SLC12A6: variants seen among roughly 807,000 people sequenced by gnomAD.
The protein encoded by SLC12A6 is solute carrier family 12 member 6, also known as K-Cl cotransporter 3.
Under a neutral mutation model 135.3 loss-of-function variants are expected in SLC12A6, and 66 were observed. The observed-to-expected ratio is 0.49, with a 90% CI of 0.40 to 0.60. The LOEUF is 0.60. SLC12A6 is among the 20% of genes least tolerant of loss of function. SLC12A6 has a pLI of 0.00. For synonymous variants in SLC12A6, 513 were observed against 508.8 expected, an observed-to-expected ratio of 1.01 and a Z score of -0.11; for missense variants, 1,058 against 1,452.3, an observed-to-expected ratio of 0.73 and a Z score of 4.41.
chr15:34,262,063 A>C (rs1566822236), intron 3 of SLC12A6, among the ~76,000 whole-genome samples: 1 of 152,224 alleles, frequency 6.6e-6, no homozygotes, highest in Non-Finnish European at 1.5e-5. Context: ...TGTTCATTAC[A>C]TACAATTGAA....
In SLC12A6 at chr15:34,252,336, A is replaced by G; in HGVS notation, c.1167T>C (p.Val389=). 1 of 1,613,482 alleles carries G rather than the reference A, an allele frequency of 6.2e-7. No individual in the cohort carries two copies. Among genetic ancestry groups the G allele is most frequent in the Non-Finnish European group, 8.5e-7 (1 of 1,179,454 alleles). ...NRTLSSRHID[V]CSKTKEINNM... ...TGTTAATTTCCTTGGTCTTAGAGCA[A>G]ACGTCAATGTGTCTTGATGAAAGGG... The change falls in exon 10 of 26, where the codon GTT becomes GTC. Residue 389 remains valine, a synonymous_variant. Coordinates refer to ENST00000354181, the MANE Select transcript of SLC12A6 (RefSeq NM_001365088.1).
At chr15:34,273,432 T>C (rs1426715391) in intron 3 of SLC12A6, among the ~76,000 whole-genome samples, 1 of 152,238 alleles carries the variant, frequency 6.6e-6, no homozygotes, top group Non-Finnish European at 1.5e-5. Flanking sequence ...TATATTTATG[T>C]CAAACCATTT....
chr15:34,261,646 T>C (rs764980015), intron 3 of SLC12A6, among the ~76,000 whole-genome samples: 5 of 152,212 alleles, frequency 3.3e-5, no homozygotes, highest in African/African-American at 7.2e-5. Flanking sequence ...AAAAAAGATA[T>C]TGAGTATATA....
chr15:34,259,661 A>G (rs752506396), intron 4 of SLC12A6, among the ~76,000 whole-genome samples: 12 of 152,334 alleles, frequency 7.9e-5, no homozygotes, highest in Non-Finnish European at 1.8e-4. Flanking sequence ...AAAATGGTAC[A>G]TTGAGAGAAG....
At chr15:34,238,894 T>C (rs1891453899) in intron 20 of SLC12A6, 71 bp downstream of exon 20, 1 of 1,304,506 alleles carries the variant, frequency 7.7e-7, no homozygotes, top group Non-Finnish European at 1.1e-6. Flanking sequence ...TTTAGGAGGC[T>C]GGGGGTGACA....
In SLC12A6 at chr15:34,254,565, T is replaced by C. The variant is rs200110068; in HGVS notation, c.901A>G (p.Ile301Val). ...TTGAGTGCGTCATCACTGTGAAAGA[T>C]GGCAGCTCGGGGGACGATATAGACC... ...FLVYIVPRAA[I>V]FHSDDALKES... The change falls in exon 9 of 26, where the codon ATC becomes GTC. Residue 301 changes from isoleucine (I) to valine (V), a missense_variant. Physicochemically the swap from Ile to Val is conservative, Grantham distance 29 (BLOSUM62 3). Around this residue, in one of 6 missense-constraint regions of SLC12A6, gnomAD observed 297 missense variants for 318.5 expected, o/e 0.93. Transcript: ENST00000354181. 269 of 1,609,892 alleles carry C rather than the reference T, an allele frequency of 1.7e-4. No homozygotes were observed. Among genetic ancestry groups the C allele is most frequent in the Non-Finnish European group, 2.2e-4 (263 of 1,176,252 alleles).
chr15:34,291,418 T>G (rs1895520556), intron 2 of SLC12A6, among the ~76,000 whole-genome samples: 1 of 152,230 alleles, frequency 6.6e-6, no homozygotes, highest in Non-Finnish European at 1.5e-5. Flanking sequence ...CTTAACATTT[T>G]TCCCTTCATT....
chr15:34,318,783 C>A (rs557212369), intron 2 of SLC12A6: 5 of 1,580,870 alleles, frequency 3.2e-6, no homozygotes, highest in Non-Finnish European at 4.3e-6. Context: ...GTGATCCCTG[C>A]CTACAAGAGA....
intron 2 of SLC12A6, among the ~76,000 whole-genome samples, chr15:34,287,173 C>T (rs1189547659): frequency 6.6e-6 from 1 of 152,142 alleles, no homozygotes; most frequent in African/African-American, 2.4e-5. Context: ...TGATGTTCCC[C>T]TCCCTGTGTC....
Position 34,250,633 on chromosome 15 carries a change from AC to A in SLC12A6, c.1588del (p.Val530PhefsTer3). On this transcript the variant is annotated frameshift_variant, in exon 12 of 26. Coordinates refer to ENST00000354181, the MANE Select transcript of SLC12A6 (RefSeq NM_001365088.1). LOFTEE classifies it high-confidence loss of function. ...GACTGGATCCATAAAAAGGATACAAACAAAGGAGGTGGTCAGGATGGCAAGG... is the reference window on the plus strand; with the variant it reads ...GACTGGATCCATAAAAAGGATACAAAAAAGGAGGTGGTCAGGATGGCAAGG... Reference protein sequence around the residue: ...TILAILTTSFVYLSNVVLFGA... With the variant: ...TILAILTTSFXYLSNVVLFGA... 6.5e-7 allele frequency: 1 copy of A among 1,528,942 alleles called. No individual in the cohort carries two copies. Among genetic ancestry groups the A allele is most frequent in the Non-Finnish European group, 9.1e-7 (1 of 1,102,530 alleles). The allele number at this position is 1,528,942 out of a possible 1,614,324, so 94.7% of individuals were successfully genotyped here.
intron 14 of SLC12A6, 48 bp downstream of exon 14, chr15:34,245,645 C>A: frequency 6.7e-7 from 1 of 1,486,090 alleles, no homozygotes; most frequent in South Asian, 1.1e-5. Context: ...CACTGTTTCT[C>A]ATTAAAGCTG....
intron 2 of SLC12A6, among the ~76,000 whole-genome samples, chr15:34,293,175 A>T (rs1357441846): frequency 1.3e-5 from 2 of 150,246 alleles, no homozygotes; most frequent in African/African-American, 2.4e-5. Context: ...CGTGTTTTTT[A>T]AAAAATCTTA....
chr15:34,289,686 C>T (rs8032579), intron 2 of SLC12A6, among the ~76,000 whole-genome samples: 4,154 of 152,182 alleles, frequency 0.027, 192 homozygotes, highest in African/African-American at 0.095. Context: ...AGAGATTCAA[C>T]TTTTTCCTTG....
intron 2 of SLC12A6, among the ~76,000 whole-genome samples, chr15:34,335,395 C>T (rs917549197): frequency 1.3e-5 from 2 of 152,134 alleles, no homozygotes; most frequent in African/African-American, 2.4e-5. Flanking sequence ...TTCCTGACAC[C>T]GGAAAATGGT....
chr15:34,254,648 C>T (rs1017265621), intron 8 of SLC12A6, 59 bp from the exon 9 acceptor site: 2 of 1,329,060 alleles, frequency 1.5e-6, no homozygotes, highest in Admixed American at 1.7e-5. Flanking sequence ...AGTAAAAAGG[C>T]TGTATTCGTT....
intron 3 of SLC12A6, among the ~76,000 whole-genome samples, chr15:34,273,471 G>C (rs1894098271): frequency 6.6e-6 from 1 of 152,344 alleles, no homozygotes; most frequent in East Asian, 1.9e-4. Flanking sequence ...GAGTGCCTAG[G>C]ATGTCAGGTA....
intron 7 of SLC12A6, 89 bp from the exon 8 acceptor site, chr15:34,255,481 C>T: frequency 1.1e-6 from 1 of 940,722 alleles, no homozygotes; most frequent in South Asian, 1.4e-5. Flanking sequence ...AAAATATATA[C>T]ATAAAGGTTA....
intron 16 of SLC12A6, among the ~76,000 whole-genome samples, chr15:34,242,571 C>CA (rs2140672683): frequency 6.6e-6 from 1 of 152,322 alleles, no homozygotes; most frequent in South Asian, 2.1e-4. Flanking sequence ...GGAACACTAT[C>CA]AGTCATCTGC....
chr15:34,299,256 A>G (rs988538601), intron 2 of SLC12A6, among the ~76,000 whole-genome samples: 3 of 152,204 alleles, frequency 2.0e-5, no homozygotes, highest in African/African-American at 7.2e-5. Flanking sequence ...ATTGGCTTAT[A>G]GGGTGAACTC....
Sources: allele counts gnomAD v4.1 joint callset (sites outside exome capture counted in the v4.1 genomes callset), GRCh38; gene constraint gnomAD v4.1.1; regional missense constraint gnomAD v4.1.1; transcripts MANE v1.5; gene names NCBI Gene and HGNC (gene_info 2026-07-23, HGNC 2026-07-21).